The following WNK3 variants were observed in gnomAD, a reference collection of about 807,000 sequenced individuals.
WNK3 encodes the protein serine/threonine-protein kinase WNK3.
Under a neutral mutation model 116.7 loss-of-function variants are expected in WNK3, and 18 were observed. That is an observed-to-expected ratio of 0.15 (90% CI 0.11 to 0.23). The LOEUF is 0.23. Among genes scored for constraint, WNK3 ranks in the 10% least tolerant of loss-of-function variants. The probability of loss-of-function intolerance (pLI) is 1.00; values close to 1 mark genes in which losing one functional copy is unlikely to be tolerated. For synonymous variants in WNK3, 404 were observed against 469.4 expected, an observed-to-expected ratio of 0.86 and a Z score of 1.80; for missense variants, 993 against 1,323.8, an observed-to-expected ratio of 0.75 and a Z score of 3.88.
At chrX:54,257,220 A>G (rs2068201740) in intron 11 of WNK3, among the ~76,000 whole-genome samples, 2 of 110,697 alleles carry the variant, frequency 1.8e-5, no homozygotes, top group African/African-American at 6.6e-5. Context: ...ACCCAGCAAC[A>G]GAAGAGGACT....
intron 22 of WNK3, among the ~76,000 whole-genome samples, chrX:54,206,074 A>G (rs1205358863): frequency 9.0e-6 from 1 of 111,649 alleles, no homozygotes; most frequent in Non-Finnish European, 1.9e-5. Context: ...ACCAATTCCC[A>G]AATGTATTTT....
chrX:54,358,010 C>G (rs1557179704), upstream of WNK3: 1 of 109,335 alleles, frequency 9.1e-6, no homozygotes, highest in African/African-American at 3.3e-5. Flanking sequence ...GCTGAGCAGA[C>G]GCACGCGTAC....
At chrX:54,218,569 T>C (rs782547347) in intron 22 of WNK3, among the ~76,000 whole-genome samples, 2 of 96,785 alleles carry the variant, frequency 2.1e-5, no homozygotes, top group African/African-American at 7.7e-5. Flanking sequence ...GAAAAAAGAA[T>C]TAAAAAAAAA....
intron 1 of WNK3, among the ~76,000 whole-genome samples, chrX:54,352,979 T>C (rs2069538605): frequency 8.9e-6 from 1 of 111,967 alleles, no homozygotes; most frequent in African/African-American, 3.2e-5. Context: ...CAAAAGGTCA[T>C]ATATTATATG....
intron 10 of WNK3, among the ~76,000 whole-genome samples, chrX:54,291,169 C>T (rs994971746): frequency 1.8e-5 from 2 of 110,176 alleles, no homozygotes; most frequent in East Asian, 2.9e-4. Flanking sequence ...AAAAATTAGC[C>T]GGGCATGGTG....
intron 20 of WNK3, among the ~76,000 whole-genome samples, chrX:54,235,938 C>A (rs2067956231): frequency 1.8e-5 from 2 of 111,391 alleles, no homozygotes; most frequent in Admixed American, 9.6e-5. Flanking sequence ...TTTGTTTGTA[C>A]AGTTATAGAC....
In WNK3 at chrX:54,283,701, G is replaced by A. The variant is rs782351887; in HGVS notation, c.2037+9187C>T. Among the ~76,000 whole-genome samples the A allele has an allele frequency of 2.3e-4, 24 of 104,839 alleles. 1 individual carries two copies. The Admixed American group carries it at 2.4e-3, about 10-fold the overall frequency. 91.0% of individuals were successfully genotyped at this position (104,839 alleles called of 115,157 possible). On this transcript the variant is annotated intron_variant, in intron 10 of 23. Transcript: ENST00000354646. ...GGAGAATGGCGTGAACCTGGGAGGC[G>A]GAGCTTGCAGTGAGCCGAGATCGTG...
At chrX:54,267,256 C>G (rs1301421097) in intron 10 of WNK3, among the ~76,000 whole-genome samples, 1 of 110,139 alleles carries the variant, frequency 9.1e-6, no homozygotes, top group African/African-American at 3.3e-5. Flanking sequence ...TTGGTAGAGA[C>G]AGGATTTCGC....
intron 1 of WNK3, among the ~76,000 whole-genome samples, chrX:54,338,958 T>C (rs1256839055): frequency 1.0e-5 from 1 of 98,881 alleles, no homozygotes; most frequent in Non-Finnish European, 2.0e-5. Context: ...GCCAAGACCA[T>C]GCCACTGCAC....
intron 22 of WNK3, among the ~76,000 whole-genome samples, chrX:54,213,880 TC>T (rs1404596299): frequency 7.3e-5 from 8 of 110,032 alleles, no homozygotes; most frequent in African/African-American, 2.3e-4. Flanking sequence ...ATGGAACAAG[TC>T]CCCCCCAAAA....
At chrX:54,331,165 G>A (rs915905133) in intron 2 of WNK3, among the ~76,000 whole-genome samples, 7 of 109,339 alleles carry the variant, frequency 6.4e-5, no homozygotes, top group Admixed American at 3.0e-4. Flanking sequence ...CATGGCACAC[G>A]TTTACCTATG....
intron 15 of WNK3, 29 bp from the exon 16 acceptor site, chrX:54,250,160 TGCTAA>T: frequency 3.5e-6 from 4 of 1,142,708 alleles, no homozygotes; most frequent in Non-Finnish European, 4.6e-6. Context: ...AAAAATAATA[TGCTAA>T]GCTATTTTCA....
chrX:54,293,551 A>T (rs1426200532), intron 8 of WNK3, among the ~76,000 whole-genome samples: 1 of 112,185 alleles, frequency 8.9e-6, no homozygotes, highest in Non-Finnish European at 1.9e-5. Context: ...TTTCTTAGTA[A>T]AGCCAACCTA....
intron 17 of WNK3, among the ~76,000 whole-genome samples, chrX:54,245,315 T>C (rs1470674325): frequency 9.2e-6 from 1 of 109,249 alleles, no homozygotes; most frequent in Non-Finnish European, 1.9e-5. Flanking sequence ...TGCAAGCCCA[T>C]GTCTCTACAA....
intron 2 of WNK3, among the ~76,000 whole-genome samples, chrX:54,328,142 T>C (rs2147244017): frequency 9.1e-6 from 1 of 109,694 alleles, no homozygotes; most frequent in East Asian, 2.8e-4. Context: ...ATATATTATA[T>C]ATACAATCTC....
intron 22 of WNK3, among the ~76,000 whole-genome samples, chrX:54,215,116 C>CAA (rs60946524): frequency 3.9e-3 from 111 of 28,252 alleles, no homozygotes; most frequent in East Asian, 5.9e-3. Context: ...GACTCCATCT[C>CAA]AAAAAAAAAA....
At chrX:54,242,693 C>T (rs192320347) in intron 17 of WNK3, among the ~76,000 whole-genome samples, 23 of 111,983 alleles carry the variant, frequency 2.1e-4, no homozygotes, top group Admixed American at 1.6e-3. Context: ...AGTTTCTTCA[C>T]CAAATGGTGC....
At chrX:54,255,190 G>T (rs782479785) in intron 12 of WNK3, among the ~76,000 whole-genome samples, 17 of 111,134 alleles carry the variant, frequency 1.5e-4, no homozygotes, top group Non-Finnish European at 2.8e-4. Context: ...ATATTGGTCA[G>T]GCTGGTCTCG....
chrX:54,211,213 AGGTG>A (rs1248838712), intron 22 of WNK3, among the ~76,000 whole-genome samples: 1 of 106,892 alleles, frequency 9.4e-6, no homozygotes, highest in Non-Finnish European at 1.9e-5. Flanking sequence ...AGGCCAAGGC[AGGTG>A]GATCACCTGA....
Sources: gnomAD v4.1 joint callset for allele counts (sites outside exome capture counted in the v4.1 genomes callset) on GRCh38, gnomAD v4.1.1 for gene constraint, MANE v1.5 for transcripts, NCBI Gene and HGNC (gene_info 2026-07-23, HGNC 2026-07-21) for gene names.